The following CTNNA2 variants were observed in gnomAD, a reference collection of about 807,000 sequenced individuals.
CTNNA2 encodes catenin alpha 2, also known as catenin alpha-2.
Under a neutral mutation model 101.0 loss-of-function variants are expected in CTNNA2, and 42 were observed. The observed-to-expected ratio is 0.42, with a 90% CI of 0.32 to 0.54. The LOEUF is 0.54. CTNNA2 is among the 20% of genes least tolerant of loss of function. The probability of loss-of-function intolerance (pLI) is 0.14; values close to 1 mark genes in which losing one functional copy is unlikely to be tolerated. For missense variants in CTNNA2, 871 were observed against 1,223.1 expected, an observed-to-expected ratio of 0.71 and a Z score of 4.29; for synonymous variants, 450 against 456.4, an observed-to-expected ratio of 0.99 and a Z score of 0.18.
At chr2:79,638,537 G>A (rs1680233689) in intron 1 of CTNNA2, among the ~76,000 whole-genome samples, 1 of 152,096 alleles carries the variant, frequency 6.6e-6, no homozygotes, top group African/African-American at 2.4e-5. Flanking sequence ...TAATTCAATT[G>A]AAAGGGGCAA....
intron 2 of CTNNA2, among the ~76,000 whole-genome samples, chr2:79,694,688 G>A (rs1301546169): frequency 6.6e-6 from 1 of 151,624 alleles, no homozygotes; most frequent in Non-Finnish European, 1.5e-5. Flanking sequence ...AGGACTTTTT[G>A]GAAAGACTCT....
At chr2:79,824,080 AC>A (rs1341487918) in intron 3 of CTNNA2, among the ~76,000 whole-genome samples, 3 of 152,210 alleles carry the variant, frequency 2.0e-5, no homozygotes, top group African/African-American at 7.2e-5. Context: ...AGAAATGAAA[AC>A]AAGCACAGCC....
At chr2:79,723,975 T>C (rs1264134780) in intron 2 of CTNNA2, among the ~76,000 whole-genome samples, 1 of 152,146 alleles carries the variant, frequency 6.6e-6, no homozygotes, top group East Asian at 1.9e-4. Flanking sequence ...CTGATGCACA[T>C]ATTGCTCTGA....
intron 7 of CTNNA2, among the ~76,000 whole-genome samples, chr2:79,954,851 T>C (rs985834818): frequency 6.6e-6 from 1 of 152,228 alleles, no homozygotes; most frequent in African/African-American, 2.4e-5. Context: ...AAATGAGTTA[T>C]GAGGTAGACA....
chr2:79,897,465 G>A (rs1558622497), intron 6 of CTNNA2, among the ~76,000 whole-genome samples: 1 of 152,052 alleles, frequency 6.6e-6, no homozygotes, highest in Non-Finnish European at 1.5e-5. Context: ...GAAATGATTT[G>A]ATGTTTAATA....
At chr2:79,540,280 T>A (rs1405260433) in intron 1 of CTNNA2, among the ~76,000 whole-genome samples, 1 of 152,190 alleles carries the variant, frequency 6.6e-6, no homozygotes, top group Non-Finnish European at 1.5e-5. Context: ...CTTGGGCAAG[T>A]GACTGACCCT....
intron 4 of CTNNA2, among the ~76,000 whole-genome samples, chr2:79,461,956 A>T (rs926202782): frequency 7.2e-5 from 11 of 151,994 alleles, no homozygotes; most frequent in Non-Finnish European, 1.5e-4. Context: ...TTTTTAATTA[A>T]AGAGAAAATG....
At chr2:80,291,952 G>T (rs1190019750) in intron 7 of CTNNA2, among the ~76,000 whole-genome samples, 2 of 152,204 alleles carry the variant, frequency 1.3e-5, no homozygotes, top group Non-Finnish European at 2.9e-5. Flanking sequence ...CAGTTAGAAA[G>T]CTGGGAAGGA....
At chr2:80,457,787 C>G (rs539817707) in intron 9 of CTNNA2, among the ~76,000 whole-genome samples, 8 of 152,274 alleles carry the variant, frequency 5.3e-5, no homozygotes, top group Non-Finnish European at 1.0e-4. Context: ...GATTTTAATG[C>G]TCCTCCTCCT....
chr2:79,601,383 A>G (rs986068985), intron 1 of CTNNA2, among the ~76,000 whole-genome samples: 1 of 152,194 alleles, frequency 6.6e-6, no homozygotes, highest in African/African-American at 2.4e-5. Flanking sequence ...TTGAGGAGCT[A>G]CAGTATGTAC....
chr2:80,380,571 T>C (rs190412146), intron 7 of CTNNA2, among the ~76,000 whole-genome samples: 10 of 152,292 alleles, frequency 6.6e-5, no homozygotes, highest in African/African-American at 2.2e-4. Flanking sequence ...GTGTGAGATA[T>C]ATGCGCAATC....
intron 2 of CTNNA2, among the ~76,000 whole-genome samples, chr2:79,658,970 T>C (rs971148441): frequency 6.6e-6 from 1 of 152,076 alleles, no homozygotes; most frequent in Non-Finnish European, 1.5e-5. Context: ...AAAAACATTT[T>C]AAAAGTTAAA....
intron 7 of CTNNA2, among the ~76,000 whole-genome samples, chr2:80,272,792 G>A (rs1673599868): frequency 6.6e-6 from 1 of 152,126 alleles, no homozygotes; most frequent in Non-Finnish European, 1.5e-5. Flanking sequence ...ATCTGAAACT[G>A]GTCATTCTGT....
chr2:79,881,635 C>CT (rs901490170), intron 6 of CTNNA2, among the ~76,000 whole-genome samples: 7 of 151,786 alleles, frequency 4.6e-5, no homozygotes, highest in African/African-American at 7.2e-5. Flanking sequence ...GCAACCCCTG[C>CT]TTTTTTTGCT....
At chr2:79,351,611 C>T (rs1677389173) in intron 3 of CTNNA2, among the ~76,000 whole-genome samples, 1 of 151,908 alleles carries the variant, frequency 6.6e-6, no homozygotes, top group South Asian at 2.1e-4. Flanking sequence ...TCTTTTATTC[C>T]CCAGCATCTA....
At chr2:80,508,633 T>C (rs1688464157) in intron 9 of CTNNA2, among the ~76,000 whole-genome samples, 1 of 151,978 alleles carries the variant, frequency 6.6e-6, no homozygotes, top group East Asian at 1.9e-4. Flanking sequence ...GCTAGGTCCT[T>C]TATGGAATAA....
At chr2:80,316,656 T>C (rs1678156280) in intron 7 of CTNNA2, among the ~76,000 whole-genome samples, 1 of 152,198 alleles carries the variant, frequency 6.6e-6, no homozygotes, top group South Asian at 2.1e-4. Context: ...TGTTGTTTTG[T>C]GTGATGTTTG....
intron 7 of CTNNA2, among the ~76,000 whole-genome samples, chr2:79,990,499 A>T (rs1480529805): frequency 6.6e-6 from 1 of 151,528 alleles, no homozygotes; most frequent in Non-Finnish European, 1.5e-5. Flanking sequence ...TCAAAATCCC[A>T]CTCCTCCACT....
intron 15 of CTNNA2, among the ~76,000 whole-genome samples, chr2:80,598,246 G>C (rs1024064880): frequency 8.5e-5 from 13 of 152,080 alleles, no homozygotes; most frequent in African/African-American, 3.1e-4. Context: ...AGTAGGAGTT[G>C]AACAATGAAA....
Sources: allele counts gnomAD v4.1 joint callset (sites outside exome capture counted in the v4.1 genomes callset), GRCh38; gene constraint gnomAD v4.1.1; transcripts MANE v1.5; gene names NCBI Gene and HGNC (gene_info 2026-07-23, HGNC 2026-07-21).